The following AHR variants were observed in gnomAD, a reference collection of about 807,000 sequenced individuals.
The protein encoded by AHR is aryl hydrocarbon receptor, also known as AH-receptor.
AHR carries 40 observed loss-of-function variants against 86.8 expected under a neutral mutation model. The observed-to-expected ratio is 0.46, with a 90% CI of 0.36 to 0.60. The LOEUF (loss-of-function observed/expected upper bound fraction) is 0.60. AHR is among the 20% of genes least tolerant of loss of function. The pLI is 0.00. For missense variants in AHR, 1,001 were observed against 1,011.6 expected (o/e 0.99, Z 0.14); for synonymous variants, 398 against 354.9 (o/e 1.12, Z -1.37).
Position 17,329,946 on chromosome 7 carries a change from C to T in AHR, c.451-6C>T, listed in dbSNP as rs1465573743. 2.5e-6 allele frequency: 4 copies of T among 1,591,474 alleles called. No individual in the cohort carries two copies. Among genetic ancestry groups the T allele is most frequent in the African/African-American group, 1.4e-5 (1 of 73,528 alleles). On this transcript the variant is annotated splice_region_variant and splice_polypyrimidine_tract_variant and intron_variant, in intron 4 of 10. Transcript: ENST00000242057. Reference sequence around the variant, plus strand: ...TTGTTGTATTCCTTGTATCTTTTTTCTTTAGTCTGATGTCATACATCAGAG... The same window carrying T: ...TTGTTGTATTCCTTGTATCTTTTTTTTTTAGTCTGATGTCATACATCAGAG...
rs1781921509 is a variant in AHR at position 17,298,946 on chromosome 7, T to A, written c.-319T>A. 1.2e-5 allele frequency: 5 copies of A among 433,436 alleles called. No individual in the cohort carries two copies. In the South Asian group the frequency reaches 3.5e-4, roughly 30 times the overall value. 26.8% of individuals were successfully genotyped at this position (433,436 alleles called of 1,614,324 possible). On this transcript the variant is annotated 5_prime_UTR_variant, in exon 1 of 11. Coordinates refer to ENST00000242057, the MANE Select transcript of AHR (RefSeq NM_001621.5). ...AGGCTCCTCCTCCGCCCGGGCCGCC[T>A]CACCTGCGGGCATTGCCGCGCCGCC... is the stretch of plus-strand genomic sequence containing the variant.
At position 17,338,016 on chromosome 7, in the gene AHR, G is replaced by T. The variant is rs1429469105; in HGVS notation, c.1161-970G>T. Reference sequence around the variant, plus strand: ...AGATCGAGACCATCCTGGCTAACACGGTGAAACCCCGTCTCTACTAAAAAT... The same window carrying T: ...AGATCGAGACCATCCTGGCTAACACTGTGAAACCCCGTCTCTACTAAAAAT... On this transcript the variant is annotated intron_variant, in intron 9 of 10. Coordinates refer to ENST00000242057, the MANE Select transcript of AHR (RefSeq NM_001621.5). Among the ~76,000 whole-genome samples, 4 of 151,026 alleles carry T rather than the reference G, an allele frequency of 2.6e-5. No homozygotes were observed. The East Asian group carries it at 7.9e-4, about 30-fold the overall frequency.
chr7:17,325,811 G>A (rs1344435546), intron 3 of AHR, among the ~76,000 whole-genome samples: 1 of 152,182 alleles, frequency 6.6e-6, no homozygotes, highest in South Asian at 2.1e-4. Flanking sequence ...AGGGTGGGAG[G>A]AGGGAGAGAG....
intron 3 of AHR, among the ~76,000 whole-genome samples, chr7:17,323,764 A>G (rs1330785358): frequency 6.6e-6 from 1 of 152,222 alleles, no homozygotes; most frequent in East Asian, 1.9e-4. Flanking sequence ...AACTTATGTT[A>G]AACAAAGTAA....
intron 10 of AHR, 22 bp downstream of exon 10, chr7:17,340,250 A>T: frequency 6.4e-7 from 1 of 1,560,756 alleles, no homozygotes; most frequent in African/African-American, 1.4e-5. Context: ...ATCAAACTGA[A>T]TTAAATCTTT....
intron 9 of AHR, among the ~76,000 whole-genome samples, chr7:17,338,183 A>C (rs1404476066): frequency 6.7e-6 from 1 of 149,848 alleles, no homozygotes; most frequent in African/African-American, 2.4e-5. Context: ...TGGGCGACAG[A>C]GCGAGACTCC....
chr7:17,318,432 G>T (rs1584034289), intron 2 of AHR, among the ~76,000 whole-genome samples: 1 of 152,102 alleles, frequency 6.6e-6, no homozygotes, highest in Admixed American at 6.6e-5. Context: ...TCCATCATTT[G>T]TTAGATTAAA....
intron 1 of AHR, among the ~76,000 whole-genome samples, chr7:17,308,078 C>A (rs1782024003): frequency 6.6e-6 from 1 of 152,128 alleles, no homozygotes; most frequent in Non-Finnish European, 1.5e-5. Flanking sequence ...TTGTTTATTT[C>A]TCCATCCTCC....
intron 6 of AHR, among the ~76,000 whole-genome samples, chr7:17,332,096 G>A (rs1008582614): frequency 1.1e-4 from 16 of 151,754 alleles, no homozygotes; most frequent in Non-Finnish European, 1.6e-4. Flanking sequence ...TAATGGAGCC[G>A]AAAAATCCCT....
intron 2 of AHR, among the ~76,000 whole-genome samples, chr7:17,318,465 C>T (rs936220942): frequency 3.3e-5 from 5 of 152,062 alleles, no homozygotes; most frequent in Non-Finnish European, 5.9e-5. Context: ...TTGTACGACT[C>T]CTTCATAGAT....
intron 6 of AHR, among the ~76,000 whole-genome samples, chr7:17,332,253 TG>T (rs1340926988): frequency 2.6e-5 from 4 of 152,026 alleles, no homozygotes; most frequent in Non-Finnish European, 5.9e-5. Flanking sequence ...TAAATCACTA[TG>T]TATTTACTAT....
chr7:17,335,311 A>G (rs1277628364), intron 8 of AHR, among the ~76,000 whole-genome samples: 1 of 152,116 alleles, frequency 6.6e-6, no homozygotes, highest in Non-Finnish European at 1.5e-5. Context: ...AGTGTTAATA[A>G]TTCTAGTTTA....
At chr7:17,302,235 A>G (rs1046463275) in intron 1 of AHR, among the ~76,000 whole-genome samples, 3 of 152,086 alleles carry the variant, frequency 2.0e-5, no homozygotes, top group African/African-American at 7.2e-5. Context: ...AAATGATACC[A>G]GCTGTAGTGG....
intron 3 of AHR, among the ~76,000 whole-genome samples, chr7:17,326,546 ATCTT>A (rs1367857808): frequency 2.6e-5 from 4 of 152,172 alleles, no homozygotes; most frequent in Non-Finnish European, 4.4e-5. Context: ...GGTGATATAA[ATCTT>A]TATTTGCTCA....
At position 17,327,745 on chromosome 7, in the gene AHR, TC is replaced by T; in HGVS notation, c.361-12del. ...AAGTCATATTACTAATTTTAGAACT[TC>T]CTTTCCTTGTAGGCTCTGAATGGCT... On this transcript the variant is annotated splice_polypyrimidine_tract_variant and intron_variant, in intron 3 of 10. Transcript: ENST00000242057. 6.6e-7 allele frequency: 1 copy of T among 1,509,002 alleles called. No individual in the cohort carries two copies. The highest frequency in any genetic ancestry group is 9.1e-7 in the Non-Finnish European group (1 of 1,101,630). The allele number at this position is 1,509,002 out of a possible 1,614,324, so 93.5% of individuals were successfully genotyped here. A position where few individuals can be genotyped will look rare whatever the true frequency, so the allele number is the denominator to read the frequency against.
intron 1 of AHR, among the ~76,000 whole-genome samples, chr7:17,300,375 A>G (rs1051193944): frequency 1.3e-5 from 2 of 152,184 alleles, no homozygotes; most frequent in African/African-American, 4.8e-5. Context: ...TCTCAGACCA[A>G]ATCAGAAGTG....
chr7:17,339,907 G>A lies in AHR; in HGVS notation c.2082G>A (p.Met694Ile). Residue 694 changes from methionine to isoleucine, a missense_variant, in exon 10 of 11, where the codon ATG becomes ATA. Met to Ile is a conservative substitution (Grantham distance 10, BLOSUM62 1). This residue lies in a region of AHR where 607 missense variants were observed against 543.1 expected (regional missense o/e 1.12). Coordinates refer to ENST00000242057, the MANE Select transcript of AHR (RefSeq NM_001621.5). ...EFPYKSEMDS[M>I]PYTQNFISCN... The stretch of plus-strand genomic sequence containing the variant: ...CCTACAAATCTGAAATGGATTCTAT[G>A]CCTTATACACAGAACTTTATTTCCT... 6.2e-7 allele frequency: 1 copy of A among 1,614,164 alleles called. No individual in the cohort carries two copies. The highest frequency in any genetic ancestry group is 8.5e-7 in the Non-Finnish European group (1 of 1,180,026).
At chr7:17,306,552 C>T (rs192987143) in intron 1 of AHR, among the ~76,000 whole-genome samples, 1 of 151,646 alleles carries the variant, frequency 6.6e-6, no homozygotes, top group Non-Finnish European at 1.5e-5. Flanking sequence ...GGTTTTTTTC[C>T]GTCTATCATT....
intron 3 of AHR, among the ~76,000 whole-genome samples, chr7:17,326,949 T>G (rs984125914): frequency 6.6e-6 from 1 of 152,132 alleles, no homozygotes; most frequent in Non-Finnish European, 1.5e-5. Context: ...AAGTGATCTA[T>G]GATACTATTG....
Sources: allele counts gnomAD v4.1 joint callset (sites outside exome capture counted in the v4.1 genomes callset), GRCh38; gene constraint gnomAD v4.1.1; regional missense constraint gnomAD v4.1.1; transcripts MANE v1.5; gene names NCBI Gene and HGNC (gene_info 2026-07-23, HGNC 2026-07-21).